The following C2CD2L variants were observed in gnomAD, a reference collection of about 807,000 sequenced individuals.
C2CD2L encodes the protein C2CD2 like.
C2CD2L carries 24 observed loss-of-function variants against 69.9 expected under a neutral mutation model. The observed-to-expected ratio is 0.34, with a 90% CI of 0.25 to 0.48. C2CD2L has a LOEUF of 0.48. Among genes scored for constraint, C2CD2L ranks in the 20% least tolerant of loss-of-function variants. C2CD2L has a pLI of 0.99. For synonymous variants in C2CD2L, 367 were observed against 391.0 expected (o/e 0.94, Z 0.72); for missense variants, 811 against 941.5 (o/e 0.86, Z 1.81).
chr11:119,106,572 G>A (rs1168956565), upstream of C2CD2L: 2 of 152,216 alleles, frequency 1.3e-5, no homozygotes, highest in Non-Finnish European at 2.9e-5. Flanking sequence ...AGCTTGTTGG[G>A]ATATCACATA....
chr11:119,104,113 A>T (rs1355933080), upstream of C2CD2L, among the ~76,000 whole-genome samples: 1 of 152,198 alleles, frequency 6.6e-6, no homozygotes, highest in East Asian at 1.9e-4. Flanking sequence ...TCATTTCAGT[A>T]GATTATAAGA....
rs1283138985 is a variant in C2CD2L, at chr11:119,114,172, C to T, written c.1716C>T (p.Gly572=). The T allele has an allele frequency of 6.2e-7, 1 of 1,614,124 alleles. No homozygotes were observed. Among genetic ancestry groups the T allele is most frequent in the Non-Finnish European group, 8.5e-7 (1 of 1,179,990 alleles). ...SVQDDAGTSG[G]PSSPPSDPPA... ...AGGATGATGCAGGGACCAGCGGAGG[C>T]CCCTCTTCACCTCCCTCAGACCCAC... Residue 572 remains glycine (G), a synonymous_variant, in exon 13 of 14, where the codon GGC becomes GGT. Coordinates refer to ENST00000648610, the MANE Select transcript of C2CD2L (RefSeq NM_001290474.2). This position sits in a 1 kb window ranked among gnomAD's most constrained non-coding sequence, Gnocchi z 5.1.
Position 119,110,051 on chromosome 11 carries a change from C to T in C2CD2L, c.355-53C>T. ...CCAGCCAGCAACTGAGCAGGCCAAC[C>T]CTGTGGGGGGCAGCTCCAGAGACCT... On this transcript the variant is annotated intron_variant, in intron 1 of 13. Coordinates refer to ENST00000648610, the MANE Select transcript of C2CD2L (RefSeq NM_001290474.2). This position sits in a 1 kb window ranked among gnomAD's most constrained non-coding sequence, Gnocchi z 5.7. 7.4e-7 allele frequency: 1 copy of T among 1,347,876 alleles called. No homozygotes were observed. Among genetic ancestry groups the T allele is most frequent in the Non-Finnish European group, 1.1e-6 (1 of 937,330 alleles). The allele number at this position is 1,347,876 out of a possible 1,614,324, so 83.5% of individuals were successfully genotyped here.
At position 119,109,066 on chromosome 11, in the gene C2CD2L, G is replaced by T. The variant is rs1439998546; in HGVS notation, c.354+971G>T. Reference sequence around the variant, plus strand: ...CTTCATCCAACTCTCCCTGTACCTTGTCCCTCGGTCAGAAGCAACTCCCCA... The same window carrying T: ...CTTCATCCAACTCTCCCTGTACCTTTTCCCTCGGTCAGAAGCAACTCCCCA... On this transcript the variant is annotated intron_variant, in intron 1 of 13. Coordinates refer to ENST00000648610, the MANE Select transcript of C2CD2L (RefSeq NM_001290474.2). The surrounding 1 kb of genome is among the most constrained non-coding windows in gnomAD (Gnocchi z 5.1). Among the ~76,000 whole-genome samples, 2 of 152,188 alleles carry T rather than the reference G, an allele frequency of 1.3e-5. No individual in the cohort carries two copies. Among genetic ancestry groups the T allele is most frequent in the Non-Finnish European group, 2.9e-5 (2 of 68,028 alleles).
At chr11:119,111,746 T>C in intron 7 of C2CD2L, 117 bp downstream of exon 7, 2 of 699,974 alleles carry the variant, frequency 2.9e-6, no homozygotes, top group Non-Finnish European at 4.7e-6. Context: ...GAGCTCCTAT[T>C]GTATGCCAGG....
chr11:119,111,867 G>A (rs1054086414), intron 7 of C2CD2L: 2 of 509,894 alleles, frequency 3.9e-6, no homozygotes, highest in Non-Finnish European at 7.0e-6. Flanking sequence ...TGGTAAAACC[G>A]CTCCAGTTGA....
upstream of C2CD2L, chr11:119,102,332 T>C (rs1257109404): frequency 1.3e-5 from 6 of 471,346 alleles, no homozygotes; most frequent in Admixed American, 1.4e-4. Context: ...GAGACGCGCC[T>C]GTTTCTTGCA....
chr11:119,115,254 C>CAAAAAA (rs61085631), intron 13 of C2CD2L: 1 of 113,814 alleles, frequency 8.8e-6, no homozygotes, highest in East Asian at 3.0e-4. Context: ...GACTCTGTCT[C>CAAAAAA]AAAAAAAAAA....
chr11:119,107,348 T>G lies in C2CD2L; in HGVS notation c.-394T>G. The G allele has an allele frequency of 6.3e-6, 1 of 159,380 alleles. No homozygotes were observed. Among genetic ancestry groups the G allele is most frequent in the Non-Finnish European group, 1.4e-5 (1 of 73,160 alleles). 9.9% of individuals were successfully genotyped at this position (159,380 alleles called of 1,614,324 possible). ...GGGTGGGGGCGGGGCGCCGGCGGTG[T>G]TGTCAGTGTCAGCTCTGCGCACGCA... On this transcript the variant is annotated 5_prime_UTR_variant, in exon 1 of 14. Transcript: ENST00000648610. The surrounding 1 kb of genome is among the most constrained non-coding windows in gnomAD (Gnocchi z 5.4).
rs201080086 is a variant in C2CD2L at position 119,112,430 on chromosome 11, C to A, written c.1084+38C>A. On this transcript the variant is annotated intron_variant, in intron 8 of 13. Transcript: ENST00000648610. ...TGGGAGGGGCACCCCTGGGTGGGTA[C>A]AGAGTGGGGTCTGGCCATGGGCCCA... is the stretch of plus-strand genomic sequence containing the variant. The A allele has an allele frequency of 4.6e-4, 740 of 1,613,900 alleles. 4 individuals carry two copies. The East Asian group carries it at 5.9e-3, about 13-fold the overall frequency.
rs1354996253 is a variant in C2CD2L, at chr11:119,107,951, G to A, written c.210G>A (p.Leu70=). The A allele has an allele frequency of 6.5e-7, 1 of 1,547,186 alleles. No homozygotes were observed. Among genetic ancestry groups the A allele is most frequent in the Non-Finnish European group, 8.7e-7 (1 of 1,154,610 alleles). The change falls in exon 1 of 14, where the codon CTG becomes CTA. Residue 70 remains leucine (L), a synonymous_variant. Coordinates refer to ENST00000648610, the MANE Select transcript of C2CD2L (RefSeq NM_001290474.2). The surrounding 1 kb of genome is among the most constrained non-coding windows in gnomAD (Gnocchi z 5.4). ...AGCTGGGCGTGTGGCGCTCGCTGCT[G>A]CGGCTGCGGGCGACTCGGGCTGGCG... ...LRELGVWRSL[L]RLRATRAGAA...
At chr11:119,112,430 C>G (rs201080086) in intron 8 of C2CD2L, 38 bp downstream of exon 8, 1 of 1,613,900 alleles carries the variant, frequency 6.2e-7, no homozygotes, top group East Asian at 2.2e-5. Flanking sequence ...TGGGTGGGTA[C>G]AGAGTGGGGT....
At chr11:119,108,264 A>G (rs1348527530) in intron 1 of C2CD2L, 169 bp downstream of exon 1, 2 of 530,938 alleles carry the variant, frequency 3.8e-6, no homozygotes, top group Admixed American at 4.0e-5. Flanking sequence ...TGGAGGTTGT[A>G]GAAATCCAAC....
At chr11:119,107,327 G>C (rs781103667), upstream of C2CD2L, 306 of 155,768 alleles carry the variant, frequency 2.0e-3, 1 homozygote, top group Non-Finnish European at 3.4e-3. This position sits in a 1 kb window ranked among gnomAD's most constrained non-coding sequence, Gnocchi z 5.4. Context: ...AAGGGCGGGT[G>C]GGGGCGGGGC....
chr11:119,115,926 TG>T, intron 13 of C2CD2L, 118 bp from the exon 14 acceptor site: 1 of 747,172 alleles, frequency 1.3e-6, no homozygotes, highest in Non-Finnish European at 2.2e-6. Context: ...GCCTGGCTTC[TG>T]GGCCACGGGA....
chr11:119,102,256 GATGCCTCCGGCTCCAGGAA>G (rs1565767383), upstream of C2CD2L: 1 of 485,220 alleles, frequency 2.1e-6, no homozygotes, highest in East Asian at 6.9e-5. Context: ...CTTAATCTGG[GATGCCTCCGGCTCCAGGAA>G]GATGGCTATT....
upstream of C2CD2L, among the ~76,000 whole-genome samples, chr11:119,106,146 G>A (rs900667344): frequency 5.9e-5 from 9 of 152,194 alleles, no homozygotes; most frequent in African/African-American, 2.2e-4. Context: ...GGAGGCCCAG[G>A]CTACCCCACC....
Position 119,114,186 on chromosome 11 carries a change from C to A in C2CD2L, c.1730C>A (p.Pro577His). The A allele has an allele frequency of 6.2e-7, 1 of 1,614,188 alleles. No homozygotes were observed. Among genetic ancestry groups the A allele is most frequent in the Non-Finnish European group, 8.5e-7 (1 of 1,180,028 alleles). The change falls in exon 13 of 14, where the codon CCC (proline) becomes CAC (histidine). Residue 577 changes from proline (P) to histidine (H), a missense_variant. Pro to His is a moderately conservative substitution (Grantham distance 77, BLOSUM62 -2). Transcript: ENST00000648610. This position sits in a 1 kb window ranked among gnomAD's most constrained non-coding sequence, Gnocchi z 5.1. ...AGTSGGPSSP[P>H]SDPPAMSPGP... Reference sequence around the variant, plus strand: ...ACCAGCGGAGGCCCCTCTTCACCTCCCTCAGACCCACCAGCCATGTCTCCA... The same window carrying A: ...ACCAGCGGAGGCCCCTCTTCACCTCACTCAGACCCACCAGCCATGTCTCCA...
intron 1 of C2CD2L, chr11:119,108,321 A>C: frequency 2.0e-6 from 1 of 494,038 alleles, no homozygotes. Flanking sequence ...TCTGGTTCCA[A>C]ACCCATGCAC....
Sources: gnomAD v4.1 joint callset for allele counts (sites outside exome capture counted in the v4.1 genomes callset) on GRCh38, gnomAD v4.1.1 for gene constraint, Gnocchi (gnomAD v3.1) non-coding constraint, MANE v1.5 for transcripts, NCBI Gene and HGNC (gene_info 2026-07-23, HGNC 2026-07-21) for gene names.